The following CCNG2 variants were observed in gnomAD, a reference collection of about 807,000 sequenced individuals.
CCNG2 encodes the protein cyclin G2, also known as cyclin-G2.
Under a neutral mutation model 36.5 loss-of-function variants are expected in CCNG2, and 20 were observed. That is an observed-to-expected ratio of 0.55 (90% CI 0.39 to 0.80). CCNG2 has a LOEUF of 0.80. Among genes scored for constraint, CCNG2 ranks in the 30% least tolerant of loss-of-function variants. CCNG2 has a pLI of 0.00. For synonymous variants in CCNG2, 155 were observed against 140.1 expected, an observed-to-expected ratio of 1.11 and a Z score of -0.75; for missense variants, 358 against 390.8, an observed-to-expected ratio of 0.92 and a Z score of 0.71.
chr4:77,159,492 G>A lies in CCNG2; in HGVS notation c.264G>A (p.Leu88=), dbSNP rs1027156326. The A allele has an allele frequency of 1.4e-5, 22 of 1,612,626 alleles. No homozygotes were observed. Among genetic ancestry groups the A allele is most frequent in the Non-Finnish European group, 1.8e-5 (21 of 1,179,594 alleles). Residue 88 remains leucine (L), a synonymous_variant, in exon 3 of 8, where the codon TTG becomes TTA. Coordinates refer to ENST00000316355, the MANE Select transcript of CCNG2 (RefSeq NM_004354.3). ...CTGTCAATATTTTGGACAGGTTCTTGGCTCTTATGAAGGTATTTCATCATT... is the reference window on the plus strand; with the variant it reads ...CTGTCAATATTTTGGACAGGTTCTTAGCTCTTATGAAGGTATTTCATCATT... ...VLAVNILDRF[L]ALMKVKPKHL...
At position 77,164,488 on chromosome 4, in the gene CCNG2, GTTCCTTGACTAA is replaced by G. The variant is rs200510852; in HGVS notation, c.911+12_911+23del. On this transcript the variant is annotated intron_variant, in intron 7 of 7. Coordinates refer to ENST00000316355, the MANE Select transcript of CCNG2 (RefSeq NM_004354.3). ...TTTGATGAAAGTGAAAGGTAGGCAG[GTTCCTTGACTAA>G]TTAAACTTCCCTAGACTAAATATTA... 132 of 1,606,934 alleles carry G rather than the reference GTTCCTTGACTAA, an allele frequency of 8.2e-5. No individual in the cohort carries two copies. The East Asian group carries it at 2.9e-3, about 35-fold the overall frequency.
Position 77,161,663 on chromosome 4 carries a change from C to T in CCNG2, c.621C>T (p.Ala207=), listed in dbSNP as rs1427046708. 15 of 1,604,994 alleles carry T rather than the reference C, an allele frequency of 9.3e-6. No individual in the cohort carries two copies. The highest frequency in any genetic ancestry group is 1.3e-5 in the Non-Finnish European group (15 of 1,176,028). Residue 207 remains alanine (A), a synonymous_variant, in exon 6 of 8, where the codon GCC becomes GCT. Transcript: ENST00000316355. Reference sequence around the variant, plus strand: ...TTTTCTTACAGCCATCTGTATTAGCCTTGTGCCTTCTCAATTTGGAAGTGG... The same window carrying T: ...TTTTCTTACAGCCATCTGTATTAGCTTTGTGCCTTCTCAATTTGGAAGTGG... ...IFSKAKPSVL[A]LCLLNLEVET...
Position 77,165,817 on chromosome 4 carries a change from G to C in CCNG2, c.928G>C (p.Asp310His). 1 of 1,599,546 alleles carries C rather than the reference G, an allele frequency of 6.3e-7. No individual in the cohort carries two copies. The highest frequency in any genetic ancestry group is 8.5e-7 in the Non-Finnish European group (1 of 1,175,268). The change falls in exon 8 of 8, where the codon GAT becomes CAT. Residue 310 changes from aspartate to histidine, a missense_variant. Asp to His is a moderately conservative substitution (Grantham distance 81). Coordinates refer to ENST00000316355, the MANE Select transcript of CCNG2 (RefSeq NM_004354.3). ...DESESEDSCE[D>H]MSCGEESLSS... ...TCTCTTTAGTGAGGACTCTTGTGAA[G>C]ATATGAGTTGTGGAGAGGAGAGTCT...
rs1280899156 is a variant in CCNG2 at position 77,159,404 on chromosome 4, A to C, written c.176A>C (p.Lys59Thr). ...TTGTGTCCAGGATTGAGAAATGCCA[A>C]AGTTGAAGATTTAAGGAGTTTAGCC... ...NTLCPGLRNA[K>T]VEDLRSLANF... The change falls in exon 3 of 8, where the codon AAA becomes ACA. Residue 59 changes from lysine (K) to threonine (T), a missense_variant. Lys to Thr is a moderately conservative substitution (Grantham distance 78). Transcript: ENST00000316355. 5 of 1,613,572 alleles carry C rather than the reference A, an allele frequency of 3.1e-6. No individual in the cohort carries two copies. The highest frequency in any genetic ancestry group is 1.3e-5 in the African/African-American group (1 of 74,902).
intron 4 of CCNG2, 145 bp downstream of exon 4, chr4:77,161,116 T>TTTTTTTC: frequency 1.4e-6 from 1 of 729,380 alleles, no homozygotes. Flanking sequence ...TTTTTTTTTT[T>TTTTTTTC]TTGGAGAAGG....
rs537841370 is a variant in CCNG2, at chr4:77,157,744, G to T, written c.-1+238G>T. 3.8e-3 allele frequency among the ~76,000 whole-genome samples: 578 copies of T among 152,154 alleles called. 5 individuals are homozygous for T. The highest frequency in any genetic ancestry group is 0.013 in the African/African-American group (536 of 41,514). On this transcript the variant is annotated intron_variant, in intron 1 of 7. Transcript: ENST00000316355. Reference sequence around the variant, plus strand: ...GGTTAAGGGCAGTCTCCGCCTCGGTGCCCCCCGCCCCCGCTCGTGTTGTCA... The same window carrying T: ...GGTTAAGGGCAGTCTCCGCCTCGGTTCCCCCCGCCCCCGCTCGTGTTGTCA...
In CCNG2 at chr4:77,170,058, A is replaced by T. The variant is rs1731726627; in HGVS notation, c.*4134A>T. ...CAGAATAAAGAATGAACTTTAAAACACACACGCTGGTTATATGCTTCCTCT... is the reference window on the plus strand; with the variant it reads ...CAGAATAAAGAATGAACTTTAAAACTCACACGCTGGTTATATGCTTCCTCT... On this transcript the variant is annotated 3_prime_UTR_variant, in exon 8 of 8. Coordinates refer to ENST00000316355, the MANE Select transcript of CCNG2 (RefSeq NM_004354.3). The T allele has an allele frequency of 6.6e-6, 1 of 152,202 alleles. No homozygotes were observed. Among genetic ancestry groups the T allele is most frequent in the African/African-American group, 2.4e-5 (1 of 41,466 alleles). The allele number at this position is 152,202 out of a possible 1,614,324, so 9.4% of individuals were successfully genotyped here. A position where few individuals can be genotyped will look rare whatever the true frequency, so the allele number is the denominator to read the frequency against.
At chr4:77,158,228 A>C in intron 1 of CCNG2, 1 of 358,030 alleles carries the variant, frequency 2.8e-6, no homozygotes. Flanking sequence ...CAGGTGGGGC[A>C]GACCGAGGGG....
rs749212577 is a variant in CCNG2, at chr4:77,160,943, A to G, written c.499A>G (p.Thr167Ala). 51 of 1,605,484 alleles carry G rather than the reference A, an allele frequency of 3.2e-5. No homozygotes were observed. Among genetic ancestry groups the G allele is most frequent in the Non-Finnish European group, 4.1e-5 (48 of 1,178,330 alleles). The change falls in exon 4 of 8, where the codon ACT becomes GCT. Residue 167 changes from threonine (T) to alanine (A), a missense_variant. Thr to Ala is a moderately conservative substitution (Grantham distance 58, BLOSUM62 0). Coordinates refer to ENST00000316355, the MANE Select transcript of CCNG2 (RefSeq NM_004354.3). ...CTTAAACTTTTTGCACTTATACCAT[A>G]CTATTATACTTTGTCATACTTCAGA... ...TALNFLHLYH[T>A]IILCHTSERK... is the part of the protein sequence containing the mutation.
chr4:77,161,624 T>G (rs762175762), intron 5 of CCNG2, 25 bp from the exon 6 acceptor site: 1 of 1,564,068 alleles, frequency 6.4e-7, no homozygotes, highest in South Asian at 1.2e-5. Context: ...AAAAATATTT[T>G]TCTTTTTTTT....
rs1478822221 is a variant in CCNG2, at chr4:77,169,896, AGT to A, written c.*3974_*3975del. ...GAGGGTTGTTAAACAGTAATAGATA[AGT>A]GAGACAGATTGCTTGTTATTTATGG... On this transcript the variant is annotated 3_prime_UTR_variant, in exon 8 of 8. Transcript: ENST00000316355. 1 of 152,238 alleles carries A rather than the reference AGT, an allele frequency of 6.6e-6. No individual in the cohort carries two copies. Among genetic ancestry groups the A allele is most frequent in the African/African-American group, 2.4e-5 (1 of 41,470 alleles). 9.4% of individuals were successfully genotyped at this position (152,238 alleles called of 1,614,324 possible).
intron 6 of CCNG2, among the ~76,000 whole-genome samples, chr4:77,162,788 G>A (rs527891013): frequency 1.3e-5 from 2 of 152,124 alleles, no homozygotes; most frequent in East Asian, 1.9e-4. Flanking sequence ...AAGTTTCAGC[G>A]AAGGCTTAAC....
rs1235013624 is a variant in CCNG2, at chr4:77,164,514, GACTAA to G, written c.911+37_911+41del. ...TTCCTTGACTAATTAAACTTCCCTA[GACTAA>G]ATATTACTGAGTTTATTATACTCAG... On this transcript the variant is annotated intron_variant, in intron 7 of 7. Transcript: ENST00000316355. 4 of 1,474,830 alleles carry G rather than the reference GACTAA, an allele frequency of 2.7e-6. No homozygotes were observed. In the African/African-American group the frequency reaches 5.6e-5, roughly 20 times the overall value. 91.4% of individuals were successfully genotyped at this position (1,474,830 alleles called of 1,614,324 possible).
In CCNG2 at chr4:77,160,792, C is replaced by G. The variant is rs1224672463; in HGVS notation, c.348C>G (p.Asp116Glu). ...FLLAARIVEE[D>E]CNIPSTHDVI... ...TGGCTGCTAGAATAGTTGAAGAAGACTGCAATATTCCATCCACTCATGATG... is the reference window on the plus strand; with the variant it reads ...TGGCTGCTAGAATAGTTGAAGAAGAGTGCAATATTCCATCCACTCATGATG... Residue 116 changes from aspartate to glutamate, a missense_variant, in exon 4 of 8, where the codon GAC becomes GAG. Transcript: ENST00000316355. 6.2e-7 allele frequency: 1 copy of G among 1,613,650 alleles called. No homozygotes were observed. Among genetic ancestry groups the G allele is most frequent in the African/African-American group, 1.3e-5 (1 of 74,896 alleles).
rs777185716 is a variant in CCNG2, at chr4:77,160,732, A to G, written c.288A>G (p.Lys96=). Residue 96 remains lysine (K), a synonymous_variant, in exon 4 of 8, where the codon AAA becomes AAG. Coordinates refer to ENST00000316355, the MANE Select transcript of CCNG2 (RefSeq NM_004354.3). The part of the protein sequence containing the change: ...RFLALMKVKP[K]HLSCIGVCSF... ...TGTTTTTTTCTCAGGTGAAACCTAA[A>G]CATTTGTCTTGCATTGGAGTCTGTT... 1 of 1,612,158 alleles carries G rather than the reference A, an allele frequency of 6.2e-7. No individual in the cohort carries two copies. The highest frequency in any genetic ancestry group is 1.1e-5 in the South Asian group (1 of 90,352).
chr4:77,161,833 T>A, intron 6 of CCNG2, 86 bp downstream of exon 6: 2 of 763,970 alleles, frequency 2.6e-6, no homozygotes, highest in South Asian at 1.7e-5. Context: ...AGTAATACTT[T>A]ATGGGACTCT....
chr4:77,166,188 A>AG lies in CCNG2; in HGVS notation c.*267dup. ...TAGATCTTTAGCTACTTTGGGGAGG[A>AG]GGGAAGGTGCTGATACCTTCAATTT... is the stretch of plus-strand genomic sequence containing the variant. On this transcript the variant is annotated 3_prime_UTR_variant, in exon 8 of 8. Coordinates refer to ENST00000316355, the MANE Select transcript of CCNG2 (RefSeq NM_004354.3). 1 of 256,580 alleles carries AG rather than the reference A, an allele frequency of 3.9e-6. No homozygotes were observed. The highest frequency in any genetic ancestry group is 7.4e-6 in the Non-Finnish European group (1 of 135,614). 15.9% of individuals were successfully genotyped at this position (256,580 alleles called of 1,614,324 possible).
Position 77,169,261 on chromosome 4 carries a change from A to G in CCNG2, c.*3337A>G, listed in dbSNP as rs1248050843. 2 of 152,140 alleles carry G rather than the reference A, an allele frequency of 1.3e-5. No individual in the cohort carries two copies. Among genetic ancestry groups the G allele is most frequent in the Non-Finnish European group, 2.9e-5 (2 of 68,018 alleles). The allele number at this position is 152,140 out of a possible 1,614,324, so 9.4% of individuals were successfully genotyped here. A position where few individuals can be genotyped will look rare whatever the true frequency, so the allele number is the denominator to read the frequency against. Reference sequence around the variant, plus strand: ...CTACCTCCCACCTCCCTCCTCCCTCATCACACATGCAAATTGTCAGCTTAT... The same window carrying G: ...CTACCTCCCACCTCCCTCCTCCCTCGTCACACATGCAAATTGTCAGCTTAT... On this transcript the variant is annotated 3_prime_UTR_variant, in exon 8 of 8. Transcript: ENST00000316355.
In CCNG2 at chr4:77,166,148, A is replaced by G. The variant is rs1259790397; in HGVS notation, c.*224A>G. The G allele has an allele frequency of 6.1e-6, 2 of 329,822 alleles. No homozygotes were observed. The highest frequency in any genetic ancestry group is 1.1e-5 in the Non-Finnish European group (2 of 183,280). The allele number at this position is 329,822 out of a possible 1,614,324, so 20.4% of individuals were successfully genotyped here. A position where few individuals can be genotyped will look rare whatever the true frequency, so the allele number is the denominator to read the frequency against. On this transcript the variant is annotated 3_prime_UTR_variant, in exon 8 of 8. Coordinates refer to ENST00000316355, the MANE Select transcript of CCNG2 (RefSeq NM_004354.3). ...CATTAACAGTACTTTAGACATTGGC[A>G]CTTTATTTTTCTCGTAGATCTTTAG...
Sources: gnomAD v4.1 joint callset for allele counts (sites outside exome capture counted in the v4.1 genomes callset) on GRCh38, gnomAD v4.1.1 for gene constraint, MANE v1.5 for transcripts, NCBI Gene and HGNC (gene_info 2026-07-23, HGNC 2026-07-21) for gene names.